Variants in MNAT1 observed in about 807,000 individuals in gnomAD.
The protein encoded by MNAT1 is CDK-activating kinase assembly factor MAT1.
In MNAT1, 43 loss-of-function variants were observed where a neutral mutation model predicts 42.0. The ratio of observed to expected loss-of-function variants is 1.02; its 90% CI spans 0.80 to 1.32. The LOEUF (loss-of-function observed/expected upper bound fraction) is 1.32, where lower values mean the gene tolerates loss of function less well. MNAT1 is among the 40% of genes most tolerant of loss of function. The pLI is 0.00. For synonymous variants in MNAT1, 118 were observed against 120.0 expected, an observed-to-expected ratio of 0.98 and a Z score of 0.11; for missense variants, 306 against 350.4, an observed-to-expected ratio of 0.87 and a Z score of 1.01.
chr14:60,777,553 A>G (rs925296111), intron 1 of MNAT1, among the ~76,000 whole-genome samples: 3 of 152,008 alleles, frequency 2.0e-5, no homozygotes, highest in Admixed American at 6.5e-5. Context: ...TAAATTTACA[A>G]TTGTTTTCTT....
chr14:60,834,924 C>CCTTCCTTT (rs2033338037), intron 6 of MNAT1, among the ~76,000 whole-genome samples: 1 of 8,728 alleles, frequency 1.1e-4, no homozygotes, highest in African/African-American at 3.5e-4. Flanking sequence ...TATGTAGTGC[C>CCTTCCTTT]CTTCCTTCCT....
At chr14:60,745,163 G>A (rs969377121) in intron 1 of MNAT1, among the ~76,000 whole-genome samples, 1 of 152,160 alleles carries the variant, frequency 6.6e-6, no homozygotes, top group Non-Finnish European at 1.5e-5. Flanking sequence ...GGCAATTGTT[G>A]CCATATAGAA....
At chr14:60,762,657 G>C (rs1372992162) in intron 1 of MNAT1, among the ~76,000 whole-genome samples, 1 of 127,744 alleles carries the variant, frequency 7.8e-6, no homozygotes, top group Admixed American at 9.9e-5. Context: ...AGTGAGCAGA[G>C]ATCACACCTC....
chr14:60,837,394 T>TG (rs935176081), intron 6 of MNAT1, among the ~76,000 whole-genome samples: 3 of 152,136 alleles, frequency 2.0e-5, no homozygotes, highest in Admixed American at 6.5e-5. Context: ...GCAAAGACCG[T>TG]GGGGAAAGCA....
At chr14:60,861,880 C>G (rs1208325527) in intron 6 of MNAT1, among the ~76,000 whole-genome samples, 1 of 152,144 alleles carries the variant, frequency 6.6e-6, no homozygotes, top group Admixed American at 6.5e-5. Flanking sequence ...TCATGAAATT[C>G]CTCCCTCCCA....
At chr14:60,858,634 T>C (rs1052645408) in intron 6 of MNAT1, among the ~76,000 whole-genome samples, 1 of 152,116 alleles carries the variant, frequency 6.6e-6, no homozygotes, top group Non-Finnish European at 1.5e-5. Context: ...AACTCTTTCA[T>C]GAAAGGAAGA....
chr14:60,935,316 A>ATCCC (rs748813965), intron 7 of MNAT1, among the ~76,000 whole-genome samples: 1 of 75,898 alleles, frequency 1.3e-5, no homozygotes, highest in South Asian at 5.1e-4. Context: ...CCTAGCCCCC[A>ATCCC]TCCCTCCCTC....
At position 60,912,437 on chromosome 14, in the gene MNAT1, C is replaced by T. The variant is rs1382383340; in HGVS notation, c.809+32602C>T. ...AGCCTTGATAGTCTTTACAAATTGGCATGTTTTTGCAGTGGCTGGCACCGG... is the reference window on the plus strand; with the variant it reads ...AGCCTTGATAGTCTTTACAAATTGGTATGTTTTTGCAGTGGCTGGCACCGG... On this transcript the variant is annotated intron_variant, in intron 7 of 7. Transcript: ENST00000261245. Among the ~76,000 whole-genome samples, 105 of 152,160 alleles carry T rather than the reference C, an allele frequency of 6.9e-4. 1 individual carries two copies. The highest frequency in any genetic ancestry group is 6.8e-3 in the Admixed American group (104 of 15,286).
rs192454973 is a variant in MNAT1 at position 60,958,931 on chromosome 14, G to A, written c.810-9298G>A. Among the ~76,000 whole-genome samples the A allele has an allele frequency of 3.0e-3, 463 of 152,146 alleles. 3 individuals are homozygous for A. The highest frequency in any genetic ancestry group is 2.5e-3 in the Non-Finnish European group (171 of 67,990). Reference sequence around the variant, plus strand: ...TGGGATTACAGGCGTGAGCCACTGCGCCTGGGAGACAAGGTCTTACTCTGT... The same window carrying A: ...TGGGATTACAGGCGTGAGCCACTGCACCTGGGAGACAAGGTCTTACTCTGT... On this transcript the variant is annotated intron_variant, in intron 7 of 7. Transcript: ENST00000261245.
chr14:60,797,098 G>A (rs550305888), intron 2 of MNAT1, among the ~76,000 whole-genome samples: 70 of 151,972 alleles, frequency 4.6e-4, no homozygotes, highest in African/African-American at 1.6e-3. Context: ...CCTTTTATCT[G>A]TTATTATGAG....
At chr14:60,949,178 G>T (rs993848348) in intron 7 of MNAT1, among the ~76,000 whole-genome samples, 3 of 151,938 alleles carry the variant, frequency 2.0e-5, no homozygotes, top group Admixed American at 6.6e-5. Context: ...AGTCCAATTA[G>T]GAACAAAATA....
intron 7 of MNAT1, among the ~76,000 whole-genome samples, chr14:60,891,366 C>A (rs1254115507): frequency 6.6e-6 from 1 of 150,474 alleles, no homozygotes; most frequent in Non-Finnish European, 1.5e-5. Context: ...TTTCTTTTTT[C>A]TGCTAGTTTT....
chr14:60,822,381 A>G lies in MNAT1; in HGVS notation c.687+3534A>G, dbSNP rs540409924. On this transcript the variant is annotated intron_variant, in intron 6 of 7. Transcript: ENST00000261245. ...CTTGAGGAGATTAGGAAATATATCC[A>G]TTGTGGCAAAGTTGCTTCAGCAGCA... Among the ~76,000 whole-genome samples, 34 of 152,326 alleles carry G rather than the reference A, an allele frequency of 2.2e-4. No individual in the cohort carries two copies. In the South Asian group the frequency reaches 6.2e-3, roughly 28 times the overall value.
chr14:60,786,807 T>C (rs2031666519), intron 1 of MNAT1, among the ~76,000 whole-genome samples: 1 of 152,196 alleles, frequency 6.6e-6, no homozygotes, highest in African/African-American at 2.4e-5. Context: ...CTATCTGGCA[T>C]CTATAGATAC....
chr14:60,754,676 T>C (rs1192998636), intron 1 of MNAT1, among the ~76,000 whole-genome samples: 8 of 152,318 alleles, frequency 5.3e-5, no homozygotes, highest in Admixed American at 5.2e-4. Context: ...AGGGCGCATG[T>C]TCAACAAGCC....
At chr14:60,767,458 A>G (rs769286327) in intron 1 of MNAT1, among the ~76,000 whole-genome samples, 25 of 152,204 alleles carry the variant, frequency 1.6e-4, no homozygotes, top group Non-Finnish European at 3.4e-4. Flanking sequence ...GCCTATTTTA[A>G]GGGACTTAAG....
intron 7 of MNAT1, among the ~76,000 whole-genome samples, chr14:60,908,165 A>T (rs2035254668): frequency 6.6e-6 from 1 of 152,172 alleles, no homozygotes; most frequent in Admixed American, 6.5e-5. Context: ...TGCCATTTTT[A>T]AAAAATTAAT....
At chr14:60,937,924 TCTC>T (rs2036039689) in intron 7 of MNAT1, among the ~76,000 whole-genome samples, 1 of 152,134 alleles carries the variant, frequency 6.6e-6, no homozygotes, top group Non-Finnish European at 1.5e-5. Context: ...GGTTTGTAGT[TCTC>T]CTTGAAGAGG....
rs561038197 is a variant in MNAT1, at chr14:60,920,092, C to A, written c.809+40257C>A. On this transcript the variant is annotated intron_variant, in intron 7 of 7. Transcript: ENST00000261245. Reference sequence around the variant, plus strand: ...GGTGGGCCACAGACTGCATGTCTTGCAGAATCAGTCCTATAAATGGCAGTG... The same window carrying A: ...GGTGGGCCACAGACTGCATGTCTTGAAGAATCAGTCCTATAAATGGCAGTG... 3 of 153,150 alleles carry A rather than the reference C, an allele frequency of 2.0e-5. No homozygotes were observed. The South Asian group carries it at 5.7e-4, about 29-fold the overall frequency. 9.5% of individuals were successfully genotyped at this position (153,150 alleles called of 1,614,324 possible).
Sources: allele counts gnomAD v4.1 joint callset (sites outside exome capture counted in the v4.1 genomes callset), GRCh38; gene constraint gnomAD v4.1.1; transcripts MANE v1.5; gene names NCBI Gene and HGNC (gene_info 2026-07-23, HGNC 2026-07-21).